LRCH1: variants seen among roughly 807,000 people sequenced by gnomAD.
The protein encoded by LRCH1 is leucine-rich repeat and calponin homology domain-containing protein 1.
LRCH1 carries 23 observed loss-of-function variants against 94.9 expected under a neutral mutation model. The observed-to-expected ratio is 0.24, with a 90% confidence interval of 0.17 to 0.34. The LOEUF is 0.34. Among genes scored for constraint, LRCH1 ranks in the 10% least tolerant of loss-of-function variants. The pLI, the probability that LRCH1 is intolerant of heterozygous loss-of-function variation, is 1.00. For synonymous variants in LRCH1, 364 were observed against 354.9 expected, an observed-to-expected ratio of 1.03 and a Z score of -0.29; for missense variants, 790 against 945.9, an observed-to-expected ratio of 0.84 and a Z score of 2.16.
At chr13:46,567,033 G>C (rs1328454819) in intron 1 of LRCH1, among the ~76,000 whole-genome samples, 1 of 152,056 alleles carries the variant, frequency 6.6e-6, no homozygotes, top group Non-Finnish European at 1.5e-5. Flanking sequence ...TTTCAGCTTT[G>C]GTATAAACTT....
chr13:46,655,404 TTATG>T (rs2051358142), intron 2 of LRCH1, among the ~76,000 whole-genome samples: 1 of 152,256 alleles, frequency 6.6e-6, no homozygotes, highest in Non-Finnish European at 1.5e-5. Flanking sequence ...TTACTGCTGT[TTATG>T]TAGCCTGTGT....
intron 1 of LRCH1, among the ~76,000 whole-genome samples, chr13:46,613,162 C>T (rs1186618466): frequency 6.6e-6 from 1 of 152,112 alleles, no homozygotes; most frequent in Non-Finnish European, 1.5e-5. Context: ...GAGGCCAAGG[C>T]AGGAGGATCA....
At chr13:46,609,538 G>C (rs1414037740) in intron 1 of LRCH1, among the ~76,000 whole-genome samples, 2 of 152,036 alleles carry the variant, frequency 1.3e-5, no homozygotes, top group Admixed American at 1.3e-4. Context: ...TTAAAGGAAG[G>C]TCTCATAGAG....
At chr13:46,697,642 G>A (rs902776815) in intron 9 of LRCH1, among the ~76,000 whole-genome samples, 6 of 152,214 alleles carry the variant, frequency 3.9e-5, no homozygotes, top group African/African-American at 1.4e-4. Flanking sequence ...AGAAAGCAGA[G>A]TGTCACCTTG....
In LRCH1 at chr13:46,578,622, C is replaced by A. The variant is rs1439014586; in HGVS notation, c.307+24919C>A. ...TATTTCTGTTTTTCAATTCCCTTAT[C>A]CCCTCTAAAAATAATATGCTGGTCT... On this transcript the variant is annotated intron_variant, in intron 1 of 19. Transcript: ENST00000389797. Among the ~76,000 whole-genome samples, 4 of 152,170 alleles carry A rather than the reference C, an allele frequency of 2.6e-5. No homozygotes were observed. In the South Asian group the frequency reaches 8.3e-4, roughly 31 times the overall value.
At chr13:46,645,098 G>C (rs1176704032) in intron 1 of LRCH1, among the ~76,000 whole-genome samples, 1 of 85,334 alleles carries the variant, frequency 1.2e-5, no homozygotes, top group Non-Finnish European at 2.6e-5. Context: ...TGGAGGAAAA[G>C]ATAAGAAGGG....
At chr13:46,678,601 C>T (rs1172019220) in intron 3 of LRCH1, among the ~76,000 whole-genome samples, 2 of 152,176 alleles carry the variant, frequency 1.3e-5, no homozygotes, top group African/African-American at 2.4e-5. Flanking sequence ...GAATTGTCTA[C>T]AGATATCCTG....
intron 1 of LRCH1, among the ~76,000 whole-genome samples, chr13:46,555,450 TG>T (rs2050053767): frequency 6.6e-6 from 1 of 152,236 alleles, no homozygotes; most frequent in African/African-American, 2.4e-5. Flanking sequence ...ATGTGTCTGC[TG>T]TGTTGGCATT....
chr13:46,671,931 C>G (rs1422773723), intron 3 of LRCH1, among the ~76,000 whole-genome samples: 1 of 151,968 alleles, frequency 6.6e-6, no homozygotes, highest in East Asian at 1.9e-4. Flanking sequence ...TCAATGTCAC[C>G]CAAAGTCCAC....
Position 46,742,744 on chromosome 13 carries a change from TC to T in LRCH1, c.*897del, listed in dbSNP as rs1156647822. ...CGGTCCAGAATGTGACGGATTCGAC[TC>T]TATTCATTTTCAAATAAAGCCATGA... is the stretch of plus-strand genomic sequence containing the variant. On this transcript the variant is annotated 3_prime_UTR_variant, in exon 20 of 20. Coordinates refer to ENST00000389797, the MANE Select transcript of LRCH1 (RefSeq NM_001164211.2). The T allele has an allele frequency of 1.9e-5, 19 of 985,370 alleles. No individual in the cohort carries two copies. Among genetic ancestry groups the T allele is most frequent in the Non-Finnish European group, 2.3e-5 (19 of 829,950 alleles). 61.0% of individuals were successfully genotyped at this position (985,370 alleles called of 1,614,324 possible).
intron 1 of LRCH1, among the ~76,000 whole-genome samples, chr13:46,640,744 T>C (rs1167486194): frequency 1.3e-5 from 2 of 152,218 alleles, no homozygotes; most frequent in Non-Finnish European, 2.9e-5. Context: ...ATCGCATTGC[T>C]ATGTTAGAAG....
rs906233676 is a variant in LRCH1, at chr13:46,603,360, G to A, written c.308-46841G>A. ...TGTCAGCCCCATTCTCTTTCTGTCA[G>A]CCCCATTCTCTTTCTGTCAGCCGCC... On this transcript the variant is annotated intron_variant, in intron 1 of 19. Coordinates refer to ENST00000389797, the MANE Select transcript of LRCH1 (RefSeq NM_001164211.2). Among the ~76,000 whole-genome samples the A allele has an allele frequency of 3.3e-5, 5 of 152,038 alleles. No homozygotes were observed. The South Asian group carries it at 8.3e-4, about 25-fold the overall frequency.
In LRCH1 at chr13:46,742,210, A is replaced by G; in HGVS notation, c.*362A>G. On this transcript the variant is annotated 3_prime_UTR_variant, in exon 20 of 20. Transcript: ENST00000389797. ...GAATTCCAGGACAAGAGTGTCAAGG[A>G]CAGGGATTTAGCATATGGAAGTCTT... The G allele has an allele frequency of 8.9e-7, 1 of 1,120,518 alleles. No individual in the cohort carries two copies. Among genetic ancestry groups the G allele is most frequent in the Non-Finnish European group, 1.1e-6 (1 of 912,776 alleles). 69.4% of individuals were successfully genotyped at this position (1,120,518 alleles called of 1,614,324 possible).
At chr13:46,711,466 G>A (rs753626186) in intron 13 of LRCH1, among the ~76,000 whole-genome samples, 3 of 152,164 alleles carry the variant, frequency 2.0e-5, no homozygotes, top group Admixed American at 6.5e-5. Flanking sequence ...ATTAAAATGA[G>A]GATGGGAACC....
At chr13:46,680,812 A>G (rs2051740309) in intron 3 of LRCH1, among the ~76,000 whole-genome samples, 1 of 152,188 alleles carries the variant, frequency 6.6e-6, no homozygotes, top group Non-Finnish European at 1.5e-5. Flanking sequence ...GAACAGCATG[A>G]TGGCATTTGC....
At position 46,680,397 on chromosome 13, in the gene LRCH1, A is replaced by T. The variant is rs544980303; in HGVS notation, c.580-1344A>T. ...TAGGTTTAAAGGGGAATGTAAACCCATGAGCAAATGACTTACAGTGACATG... is the reference window on the plus strand; with the variant it reads ...TAGGTTTAAAGGGGAATGTAAACCCTTGAGCAAATGACTTACAGTGACATG... On this transcript the variant is annotated intron_variant, in intron 3 of 19. Coordinates refer to ENST00000389797, the MANE Select transcript of LRCH1 (RefSeq NM_001164211.2). 7.2e-5 allele frequency among the ~76,000 whole-genome samples: 11 copies of T among 152,332 alleles called. No homozygotes were observed. The East Asian group carries it at 1.7e-3, about 24-fold the overall frequency.
rs762167683 is a variant in LRCH1, at chr13:46,741,804, G to A, written c.2248G>A (p.Val750Met). Residue 750 changes from valine (V) to methionine (M), a missense_variant, in exon 20 of 20, where the codon GTG becomes ATG. Coordinates refer to ENST00000389797, the MANE Select transcript of LRCH1 (RefSeq NM_001164211.2). ...GFCLVHILFI[V>M]LVYITYHWNA... ...CTGTCTTGTCCATATTCTCTTTATA[G>A]TGCTGGTCTATATCACTTACCACTG... 1.2e-6 allele frequency: 2 copies of A among 1,614,160 alleles called. No individual in the cohort carries two copies. Among genetic ancestry groups the A allele is most frequent in the South Asian group, 2.2e-5 (2 of 91,082 alleles).
intron 1 of LRCH1, among the ~76,000 whole-genome samples, chr13:46,583,755 A>T (rs1236138210): frequency 2.0e-5 from 3 of 149,288 alleles, no homozygotes; most frequent in Middle Eastern, 3.5e-3. Context: ...TCAGCTACGG[A>T]ATTTTTCTAT....
At chr13:46,718,476 A>C (rs9534475) in intron 16 of LRCH1, among the ~76,000 whole-genome samples, 70,034 of 152,012 alleles carry the variant, frequency 0.46, 18,296 homozygotes, top group Middle Eastern at 0.58. Flanking sequence ...CATAGTCAGA[A>C]ATGCTAATTT....
Sources: allele counts gnomAD v4.1 joint callset (sites outside exome capture counted in the v4.1 genomes callset), GRCh38; gene constraint gnomAD v4.1.1; transcripts MANE v1.5; gene names NCBI Gene and HGNC (gene_info 2026-07-23, HGNC 2026-07-21).